ASB3: variants seen among roughly 807,000 people sequenced by gnomAD.
ASB3 encodes ankyrin repeat and SOCS box containing 3, also known as ankyrin repeat and SOCS box protein 3.
A neutral mutation model predicts 54.5 loss-of-function variants in ASB3; 41 were observed. The observed-to-expected ratio is 0.75, with a 90% CI of 0.59 to 0.98. The LOEUF (loss-of-function observed/expected upper bound fraction) is 0.98. Among genes scored for constraint, ASB3 ranks in the 50% least tolerant of loss-of-function variants. ASB3 has a pLI of 0.00. For missense variants in ASB3, 733 were observed against 620.0 expected (o/e 1.18, Z -1.94); for synonymous variants, 266 against 221.2 (o/e 1.20, Z -1.80).
At chr2:53,693,844 G>T in intron 9 of ASB3, 40 bp downstream of exon 9, 1 of 1,590,916 alleles carries the variant, frequency 6.3e-7, no homozygotes. Flanking sequence ...GCAAGAGAAG[G>T]AAAAGTAGTG....
At position 53,768,947 on chromosome 2, in the gene ASB3, A is replaced by T. The variant is rs543895279; in HGVS notation, c.-13-3362T>A. Among the ~76,000 whole-genome samples the T allele has an allele frequency of 3.3e-5, 5 of 152,382 alleles. No homozygotes were observed. In the South Asian group the frequency reaches 8.3e-4, roughly 25 times the overall value. Reference sequence around the variant, plus strand: ...GCGCTAAAGTAGTTTGCACCTGCTCATAAGAGAGACATGGGATTAAAATCA... The same window carrying T: ...GCGCTAAAGTAGTTTGCACCTGCTCTTAAGAGAGACATGGGATTAAAATCA... On this transcript the variant is annotated intron_variant, in intron 1 of 9. Transcript: ENST00000263634.
chr2:53,727,494 G>C (rs1162197859), intron 5 of ASB3, among the ~76,000 whole-genome samples: 1 of 152,008 alleles, frequency 6.6e-6, no homozygotes, highest in Non-Finnish European at 1.5e-5. Context: ...TAATTAGCTG[G>C]GCATGGTGAA....
intron 5 of ASB3, among the ~76,000 whole-genome samples, chr2:53,723,324 T>A (rs1670812942): frequency 6.6e-6 from 1 of 152,132 alleles, no homozygotes; most frequent in African/African-American, 2.4e-5. Context: ...CTGTTAAATG[T>A]CAGAGTTTTT....
rs1558585488 is a variant in ASB3 at position 53,786,883 on chromosome 2, C to T, written c.-76G>A. 1 of 306,142 alleles carries T rather than the reference C, an allele frequency of 3.3e-6. No individual in the cohort carries two copies. Among genetic ancestry groups the T allele is most frequent in the Non-Finnish European group, 6.1e-6 (1 of 164,876 alleles). The allele number at this position is 306,142 out of a possible 1,614,324, so 19.0% of individuals were successfully genotyped here. ...CGAGGCCGCGTCTCCAGAGCTGCGT[C>T]CCAGAAGCCCCCGCTTTCGATCCCC... On this transcript the variant is annotated 5_prime_UTR_variant, in exon 1 of 10. Transcript: ENST00000263634.
chr2:53,744,340 T>C (rs1283115657), intron 3 of ASB3, among the ~76,000 whole-genome samples: 1 of 145,694 alleles, frequency 6.9e-6, no homozygotes, highest in African/African-American at 2.6e-5. Context: ...GCCGAGATAG[T>C]GCCACTGCAC....
chr2:53,713,347 C>A (rs1420829283), intron 7 of ASB3, among the ~76,000 whole-genome samples: 3 of 152,202 alleles, frequency 2.0e-5, no homozygotes, highest in Non-Finnish European at 4.4e-5. Context: ...GGTATGCCTG[C>A]AACCTCTTCT....
intron 2 of ASB3, 92 bp downstream of exon 2, chr2:53,765,285 A>T (rs1280414304): frequency 1.3e-6 from 2 of 1,518,718 alleles, no homozygotes; most frequent in Non-Finnish European, 1.8e-6. Context: ...AAGGGAAACA[A>T]ATACTACTGT....
intron 1 of ASB3, chr2:53,774,153 G>A: frequency 6.2e-7 from 1 of 1,607,114 alleles, no homozygotes; most frequent in Non-Finnish European, 8.5e-7. Flanking sequence ...GATGTGTATG[G>A]GGTGTTGCTT....
At chr2:53,739,019 T>A (rs543885247) in intron 3 of ASB3, among the ~76,000 whole-genome samples, 1 of 152,290 alleles carries the variant, frequency 6.6e-6, no homozygotes, top group East Asian at 1.9e-4. Context: ...TTTCCCACAA[T>A]GGATCATATA....
At chr2:53,707,302 G>C (rs554992933) in intron 7 of ASB3, among the ~76,000 whole-genome samples, 1 of 152,300 alleles carries the variant, frequency 6.6e-6, no homozygotes, top group Admixed American at 6.5e-5. Context: ...ACTTAGTGTG[G>C]TCTGTGGATC....
chr2:53,680,823 CTAACTA>C (rs1668331210), intron 9 of ASB3, among the ~76,000 whole-genome samples: 1 of 152,224 alleles, frequency 6.6e-6, no homozygotes, highest in African/African-American at 2.4e-5. Flanking sequence ...CTTATTCATT[CTAACTA>C]TATTTTTGTA....
intron 1 of ASB3, among the ~76,000 whole-genome samples, chr2:53,785,561 G>A (rs796245960): frequency 1.8e-4 from 28 of 152,378 alleles, no homozygotes; most frequent in African/African-American, 6.3e-4. Context: ...AGCCCAGGGG[G>A]GCCAGGCACA....
intron 2 of ASB3, among the ~76,000 whole-genome samples, chr2:53,754,741 T>C (rs1163982940): frequency 6.6e-6 from 1 of 152,200 alleles, no homozygotes; most frequent in African/African-American, 2.4e-5. Flanking sequence ...ATTAGGTATA[T>C]AGTCTGAATT....
In ASB3 at chr2:53,780,296, A is replaced by G. The variant is rs191485581; in HGVS notation, c.-14+6525T>C. On this transcript the variant is annotated intron_variant, in intron 1 of 9. Coordinates refer to ENST00000263634, the MANE Select transcript of ASB3 (RefSeq NM_016115.5). ...GTACTCCCCTGCCCCTCATGCTCCA[A>G]TCACACCACCCTCCTCATTCTTTAA... 1.6e-3 allele frequency among the ~76,000 whole-genome samples: 249 copies of G among 152,162 alleles called. 1 individual carries two copies. Among genetic ancestry groups the G allele is most frequent in the African/African-American group, 5.5e-3 (228 of 41,512 alleles).
chr2:53,760,403 T>C (rs968397972), intron 2 of ASB3, among the ~76,000 whole-genome samples: 7 of 151,798 alleles, frequency 4.6e-5, no homozygotes, highest in Admixed American at 1.3e-4. Flanking sequence ...AGAAAAGAAG[T>C]AGAAGGGAAC....
At chr2:53,749,328 G>A (rs1232242079) in intron 3 of ASB3, among the ~76,000 whole-genome samples, 1 of 152,092 alleles carries the variant, frequency 6.6e-6, no homozygotes, top group African/African-American at 2.4e-5. Context: ...ATGTTGGCAA[G>A]GATATGGGGC....
intron 9 of ASB3, among the ~76,000 whole-genome samples, chr2:53,688,555 T>C (rs1313321305): frequency 2.6e-5 from 4 of 152,216 alleles, no homozygotes; most frequent in Non-Finnish European, 5.9e-5. Flanking sequence ...ACAAGATCTA[T>C]TGTGAAAATG....
chr2:53,717,799 C>T (rs1670480728), intron 5 of ASB3, among the ~76,000 whole-genome samples: 1 of 151,952 alleles, frequency 6.6e-6, no homozygotes, highest in Admixed American at 6.6e-5. Context: ...ACTTCTAAAG[C>T]AATTCAGGAA....
chr2:53,768,062 C>T (rs751401457), intron 1 of ASB3: 5 of 1,604,844 alleles, frequency 3.1e-6, no homozygotes, highest in Middle Eastern at 1.7e-4. Context: ...TGCCCCCTGA[C>T]CCCTGCTCCC....
Sources: allele counts gnomAD v4.1 joint callset (sites outside exome capture counted in the v4.1 genomes callset), GRCh38; gene constraint gnomAD v4.1.1; transcripts MANE v1.5; gene names NCBI Gene and HGNC (gene_info 2026-07-23, HGNC 2026-07-21).